The following TRAF2 variants were observed in gnomAD, a reference collection of about 807,000 sequenced individuals.
The protein encoded by TRAF2 is TNF receptor associated factor 2.
In TRAF2, 6 loss-of-function variants were observed where a neutral mutation model predicts 55.6. The ratio of observed to expected loss-of-function variants is 0.11; its 90% CI spans 0.06 to 0.21. The LOEUF (loss-of-function observed/expected upper bound fraction) is 0.21. Among genes scored for constraint, TRAF2 ranks in the 10% least tolerant of loss-of-function variants. TRAF2 has a pLI of 1.00. For missense variants in TRAF2, 561 were observed against 684.5 expected, an observed-to-expected ratio of 0.82 and a Z score of 2.01; for synonymous variants, 329 against 276.3, an observed-to-expected ratio of 1.19 and a Z score of -1.89.
intron 7 of TRAF2, among the ~76,000 whole-genome samples, chr9:136,918,203 T>C (rs1850285344): frequency 6.8e-6 from 1 of 147,782 alleles, no homozygotes; most frequent in Non-Finnish European, 1.5e-5. Context: ...TTTCTTTTAC[T>C]GTAATTTTTT....
intron 1 of TRAF2, among the ~76,000 whole-genome samples, chr9:136,896,107 T>C (rs1345184630): frequency 6.6e-6 from 1 of 152,036 alleles, no homozygotes; most frequent in Non-Finnish European, 1.5e-5. Context: ...CCACCCCCAC[T>C]GGAAGTCCCT....
chr9:136,886,462 G>C (rs2131267682), upstream of TRAF2: 2 of 1,006,152 alleles, frequency 2.0e-6, no homozygotes, highest in Non-Finnish European at 2.4e-6. Flanking sequence ...AGGCGCACGC[G>C]GCGGAGCGGC....
At chr9:136,914,153 C>G (rs1243247186) in intron 6 of TRAF2, among the ~76,000 whole-genome samples, 1 of 152,102 alleles carries the variant, frequency 6.6e-6, no homozygotes, top group African/African-American at 2.4e-5. Flanking sequence ...CACAGGAACC[C>G]TAGGGCACCC....
chr9:136,913,938 C>T lies in TRAF2; in HGVS notation c.604-2603C>T, dbSNP rs542822903. On this transcript the variant is annotated intron_variant, in intron 6 of 10. Coordinates refer to ENST00000247668, the MANE Select transcript of TRAF2 (RefSeq NM_021138.4). The stretch of plus-strand genomic sequence containing the variant: ...GAGCATGGGGCGGCGTATGTTGGGA[C>T]CTGGTCCTTTGGAGGCTGACCTGTG... 5.2e-4 allele frequency among the ~76,000 whole-genome samples: 79 copies of T among 152,230 alleles called. No homozygotes were observed. In the South Asian group the frequency reaches 0.015, roughly 29 times the overall value.
chr9:136,911,115 G>A (rs1850093738), intron 6 of TRAF2, among the ~76,000 whole-genome samples: 1 of 152,234 alleles, frequency 6.6e-6, no homozygotes, highest in Non-Finnish European at 1.5e-5. Flanking sequence ...AGAGGAGTTA[G>A]GAGGTGATTC....
At chr9:136,908,287 G>T in intron 5 of TRAF2, 56 bp downstream of exon 5, 1 of 1,488,896 alleles carries the variant, frequency 6.7e-7, no homozygotes, top group Non-Finnish European at 8.9e-7. Context: ...GCTGAGCTGG[G>T]GAGCTGCGTG....
At chr9:136,902,178 G>A (rs17250239) in intron 4 of TRAF2, 10,905 of 152,072 alleles carry the variant, frequency 0.072, 510 homozygotes, top group Non-Finnish European at 0.1. Context: ...CCGCACAAAC[G>A]GCTGTGGCGC....
intron 3 of TRAF2, among the ~76,000 whole-genome samples, 167 bp from the exon 4 acceptor site, chr9:136,900,255 G>A (rs926426966): frequency 6.6e-6 from 1 of 152,072 alleles, no homozygotes; most frequent in South Asian, 2.1e-4. Flanking sequence ...TGGCATCAAG[G>A]TGAGTCCAAA....
chr9:136,920,190 G>A (rs746503311), intron 7 of TRAF2, 44 bp from the exon 8 acceptor site: 15 of 1,557,128 alleles, frequency 9.6e-6, no homozygotes, highest in Middle Eastern at 2.3e-4. Flanking sequence ...GGTGGGAGCC[G>A]AATGGTGGAT....
At chr9:136,913,733 T>C (rs144879668) in intron 6 of TRAF2, among the ~76,000 whole-genome samples, 40 of 152,372 alleles carry the variant, frequency 2.6e-4, no homozygotes, top group African/African-American at 8.9e-4. Context: ...TCTTTGACGA[T>C]GTAAACTATT....
rs144925993 is a variant in TRAF2, at chr9:136,915,256, C to T, written c.604-1285C>T. Among the ~76,000 whole-genome samples the T allele has an allele frequency of 4.4e-3, 676 of 152,254 alleles. 4 individuals are homozygous for T. The highest frequency in any genetic ancestry group is 0.015 in the African/African-American group (629 of 41,550). On this transcript the variant is annotated intron_variant, in intron 6 of 10. Transcript: ENST00000247668. The stretch of plus-strand genomic sequence containing the variant: ...ACTACAAAAAAGGTGCATTCTGAGA[C>T]GTCAGAGGGAAATGTGTCAGGCTCC...
chr9:136,908,273 C>T (rs551621135), intron 5 of TRAF2, 42 bp downstream of exon 5: 106 of 1,511,414 alleles, frequency 7.0e-5, no homozygotes, highest in Admixed American at 2.2e-4. Flanking sequence ...TGCAGCCATG[C>T]GGGGCTGAGC....
chr9:136,904,787 T>TGCTTCATAAAAGCCATAATAGTC (rs1270870806), intron 4 of TRAF2, among the ~76,000 whole-genome samples: 1 of 152,232 alleles, frequency 6.6e-6, no homozygotes, highest in South Asian at 2.1e-4. Flanking sequence ...CCAGAATAGT[T>TGCTTCATAAAAGCCATAATAGTC]GCTGAGGCTC....
intron 3 of TRAF2, among the ~76,000 whole-genome samples, chr9:136,899,935 G>A (rs1849775297): frequency 6.6e-6 from 1 of 152,150 alleles, no homozygotes; most frequent in African/African-American, 2.4e-5. Context: ...CAGGGCCAAA[G>A]TGGGTGGATC....
At chr9:136,886,574 G>C in intron 1 of TRAF2, 33 bp downstream of exon 1, 3 of 982,464 alleles carry the variant, frequency 3.1e-6, no homozygotes, top group Non-Finnish European at 3.6e-6. Context: ...TGCGGGGTCG[G>C]GCGCGGGCGC....
In TRAF2 at chr9:136,892,617, T is replaced by C. The variant is rs541321006; in HGVS notation, c.-29+6076T>C. 1.9e-4 allele frequency among the ~76,000 whole-genome samples: 29 copies of C among 152,160 alleles called. No homozygotes were observed. The South Asian group carries it at 5.8e-3, about 31-fold the overall frequency. ...TGGCTCAGCCAGGCACAGTGGCTCATGCCTATAATCTCAGCACTTTGGGAG... is the reference window on the plus strand; with the variant it reads ...TGGCTCAGCCAGGCACAGTGGCTCACGCCTATAATCTCAGCACTTTGGGAG... On this transcript the variant is annotated intron_variant, in intron 1 of 10. Transcript: ENST00000247668.
rs376437711 is a variant in TRAF2, at chr9:136,908,074, G to T, written c.371G>T (p.Cys124Phe). The change falls in exon 5 of 11, where the codon TGC (cysteine) becomes TTC (phenylalanine). Residue 124 changes from cysteine to phenylalanine, a missense_variant. By Grantham distance (205) the Cys-to-Phe change is radical. Around this residue, in one of 2 missense-constraint regions of TRAF2, gnomAD observed 426 missense variants for 476.8 expected, o/e 0.89. Coordinates refer to ENST00000247668, the MANE Select transcript of TRAF2 (RefSeq NM_021138.4). ...WKGTLKEYES[C>F]HEGRCPLMLT... ...GCTTCCTCCTTTCGTTGCTAGAGCT[G>T]CCACGAAGGCCGCTGCCCGCTCATG... is the stretch of plus-strand genomic sequence containing the variant. The T allele has an allele frequency of 3.7e-6, 6 of 1,600,586 alleles. No individual in the cohort carries two copies. In the African/African-American group the frequency reaches 5.4e-5, roughly 14 times the overall value.
intron 10 of TRAF2, among the ~76,000 whole-genome samples, chr9:136,925,035 C>T (rs1451428167): frequency 6.6e-6 from 1 of 152,198 alleles, no homozygotes; most frequent in African/African-American, 2.4e-5. Flanking sequence ...CTGTGCCTGG[C>T]CTATTTTGAA....
At chr9:136,909,157 G>A (rs1193459567) in intron 5 of TRAF2, among the ~76,000 whole-genome samples, 2 of 152,160 alleles carry the variant, frequency 1.3e-5, no homozygotes, top group African/African-American at 2.4e-5. Flanking sequence ...GTGTGCGTCC[G>A]TCCTCGCCAG....
Sources: gnomAD v4.1 joint callset for allele counts (sites outside exome capture counted in the v4.1 genomes callset) on GRCh38, gnomAD v4.1.1 for gene constraint, gnomAD v4.1.1 regional missense constraint, MANE v1.5 for transcripts, NCBI Gene and HGNC (gene_info 2026-07-23, HGNC 2026-07-21) for gene names.